Variants in ADAMTSL1 observed in about 807,000 individuals in gnomAD.
ADAMTSL1 encodes ADAMTS-like protein 1.
ADAMTSL1 carries 126 observed loss-of-function variants against 201.8 expected under a neutral mutation model. That is an observed-to-expected ratio of 0.62 (90% CI 0.54 to 0.72). The LOEUF (loss-of-function observed/expected upper bound fraction) is 0.72. Among genes scored for constraint, ADAMTSL1 ranks in the 30% least tolerant of loss-of-function variants. The pLI, the probability that ADAMTSL1 is intolerant of heterozygous loss-of-function variation, is 0.00. For synonymous variants in ADAMTSL1, 1,121 were observed against 903.4 expected, an observed-to-expected ratio of 1.24 and a Z score of -4.32; for missense variants, 2,679 against 2,277.8, an observed-to-expected ratio of 1.18 and a Z score of -3.59.
At chr9:18,825,382 G>C (rs1824482853) in intron 21 of ADAMTSL1, among the ~76,000 whole-genome samples, 1 of 152,206 alleles carries the variant, frequency 6.6e-6, no homozygotes, top group Admixed American at 6.5e-5. Context: ...ATTGTGGAAA[G>C]AGTTGAGCAC....
intron 2 of ADAMTSL1, among the ~76,000 whole-genome samples, chr9:18,466,968 C>G (rs1210074961): frequency 6.6e-6 from 1 of 152,036 alleles, no homozygotes; most frequent in Admixed American, 6.6e-5. Flanking sequence ...ACCATTTTTT[C>G]TTTTGTAATT....
chr9:18,223,941 C>T, intron 2 of ADAMTSL1, among the ~76,000 whole-genome samples: 1 of 152,082 alleles, frequency 6.6e-6, no homozygotes, highest in East Asian at 1.9e-4. Context: ...CATTGCTAAT[C>T]TAGGACTCTT....
chr9:18,473,976 G>T, upstream of ADAMTSL1: 1 of 443,986 alleles, frequency 2.3e-6, no homozygotes, highest in South Asian at 5.2e-5. Context: ...CACTTTCTCT[G>T]TCCTCCTGGC....
intron 13 of ADAMTSL1, among the ~76,000 whole-genome samples, chr9:18,690,606 T>C (rs1378073430): frequency 6.6e-6 from 1 of 152,168 alleles, no homozygotes; most frequent in Non-Finnish European, 1.5e-5. Flanking sequence ...TTGCAGATCT[T>C]TCAATCAATA....
intron 15 of ADAMTSL1, among the ~76,000 whole-genome samples, chr9:18,726,639 A>G (rs1412578872): frequency 6.6e-6 from 1 of 152,188 alleles, no homozygotes; most frequent in African/African-American, 2.4e-5. Flanking sequence ...TAATTATAGC[A>G]TTTGATAGCC....
At chr9:18,735,743 T>TTTC (rs1818461748) in intron 15 of ADAMTSL1, among the ~76,000 whole-genome samples, 2 of 128,716 alleles carry the variant, frequency 1.6e-5, no homozygotes, top group African/African-American at 3.0e-5. Flanking sequence ...ACGGCATTCT[T>TTTC]TTTTCTTTTT....
intron 5 of ADAMTSL1, among the ~76,000 whole-genome samples, chr9:18,635,154 T>C (rs1384841824): frequency 6.6e-6 from 1 of 151,778 alleles, no homozygotes; most frequent in Non-Finnish European, 1.5e-5. Flanking sequence ...AAATTTAACC[T>C]CTGCAGTACC....
At chr9:18,624,186 A>T (rs1826213889) in intron 5 of ADAMTSL1, among the ~76,000 whole-genome samples, 1 of 152,240 alleles carries the variant, frequency 6.6e-6, no homozygotes, top group African/African-American at 2.4e-5. Flanking sequence ...CTGCAAAAAA[A>T]ATAAAATAAA....
chr9:18,398,051 C>T (rs1167069132), intron 2 of ADAMTSL1, among the ~76,000 whole-genome samples: 1 of 152,212 alleles, frequency 6.6e-6, no homozygotes, highest in Non-Finnish European at 1.5e-5. Context: ...TGTAAAATGA[C>T]ACTGAAAGTA....
chr9:18,659,635 C>T (rs1055447665), intron 8 of ADAMTSL1, among the ~76,000 whole-genome samples: 34 of 152,234 alleles, frequency 2.2e-4, no homozygotes, highest in African/African-American at 3.9e-4. Context: ...GGTGTGGTGG[C>T]GCGAGCCTGT....
chr9:18,462,869 G>A (rs1820860185), intron 2 of ADAMTSL1, among the ~76,000 whole-genome samples: 1 of 152,030 alleles, frequency 6.6e-6, no homozygotes, highest in South Asian at 2.1e-4. Flanking sequence ...AACCCAGGAG[G>A]TGGAGGTTGC....
Position 18,154,815 on chromosome 9 carries a change from G to C in ADAMTSL1, c.88-9047G>C, listed in dbSNP as rs146122496. Among the ~76,000 whole-genome samples, 26 of 152,170 alleles carry C rather than the reference G, an allele frequency of 1.7e-4. No individual in the cohort carries two copies. The East Asian group carries it at 4.9e-3, about 28-fold the overall frequency. ...AAAGAGTGGACATTGAAGAATGCTT[G>C]CTATGCATTAAGTAGAAACCTTCCC... On this transcript the variant is annotated intron_variant, in intron 1 of 29. Transcript: ENST00000680146.
Position 18,310,154 on chromosome 9 carries a change from A to G in ADAMTSL1, c.207+146173A>G, listed in dbSNP as rs545875950. Reference sequence around the variant, plus strand: ...GCCATATGCAGAAAACTGGAACTGGACCCCTTCCTTACACCTTACACAAAA... The same window carrying G: ...GCCATATGCAGAAAACTGGAACTGGGCCCCTTCCTTACACCTTACACAAAA... On this transcript the variant is annotated intron_variant, in intron 2 of 29. Coordinates refer to the ADAMTSL1 transcript ENST00000680146. Among the ~76,000 whole-genome samples, 4 of 152,014 alleles carry G rather than the reference A, an allele frequency of 2.6e-5. No homozygotes were observed. The East Asian group carries it at 5.8e-4, about 22-fold the overall frequency.
intron 9 of ADAMTSL1, among the ~76,000 whole-genome samples, chr9:18,674,048 G>T (rs1483417038): frequency 7.3e-6 from 1 of 136,360 alleles, no homozygotes; most frequent in Non-Finnish European, 1.6e-5. Flanking sequence ...TCAGAAGGTA[G>T]AAAAAAATGG....
chr9:18,618,393 C>G (rs1024502954), intron 4 of ADAMTSL1, among the ~76,000 whole-genome samples: 1 of 151,982 alleles, frequency 6.6e-6, no homozygotes, highest in South Asian at 2.1e-4. Context: ...TCTCAAATGT[C>G]TGATACTGGG....
intron 16 of ADAMTSL1, among the ~76,000 whole-genome samples, chr9:18,763,480 T>C (rs779186590): frequency 1.7e-4 from 26 of 152,228 alleles, no homozygotes; most frequent in Non-Finnish European, 2.9e-4. Context: ...TTTCCTGTGC[T>C]GTGCAGAAGC....
chr9:18,495,749 A>AGT (rs1018526991), intron 1 of ADAMTSL1, among the ~76,000 whole-genome samples: 6 of 151,818 alleles, frequency 4.0e-5, no homozygotes, highest in East Asian at 1.9e-4. Context: ...TTCATCTCCT[A>AGT]GTGTGTGTGT....
At chr9:18,172,709 A>AAT (rs1473128896) in intron 2 of ADAMTSL1, among the ~76,000 whole-genome samples, 2 of 152,152 alleles carry the variant, frequency 1.3e-5, no homozygotes, top group Non-Finnish European at 2.9e-5. Context: ...GAAAATCATG[A>AAT]ATATCCATCA....
At chr9:18,658,967 A>G (rs1262160900) in intron 8 of ADAMTSL1, among the ~76,000 whole-genome samples, 1 of 152,216 alleles carries the variant, frequency 6.6e-6, no homozygotes, top group Non-Finnish European at 1.5e-5. Flanking sequence ...TCTTTCCAGA[A>G]GGATAACAAT....
Sources: allele counts gnomAD v4.1 joint callset (sites outside exome capture counted in the v4.1 genomes callset), GRCh38; gene constraint gnomAD v4.1.1; transcripts MANE v1.5; gene names NCBI Gene and HGNC (gene_info 2026-07-23, HGNC 2026-07-21).